The following AKT3 variants were observed in gnomAD, a reference collection of about 807,000 sequenced individuals.
AKT3 encodes the protein RAC-gamma serine/threonine-protein kinase.
In AKT3, 15 loss-of-function variants were observed where a neutral mutation model predicts 65.3. That is an observed-to-expected ratio of 0.23 (90% CI 0.15 to 0.35). The LOEUF (loss-of-function observed/expected upper bound fraction) is 0.35, where lower values mean the gene tolerates loss of function less well. Among genes scored for constraint, AKT3 ranks in the 10% least tolerant of loss-of-function variants. The pLI is 1.00. For synonymous variants in AKT3, 206 were observed against 183.8 expected (o/e 1.12, Z -0.98); for missense variants, 243 against 576.5 (o/e 0.42, Z 5.92).
At chr1:243,753,550 A>C (rs1301133126) in intron 2 of AKT3, among the ~76,000 whole-genome samples, 1 of 152,222 alleles carries the variant, frequency 6.6e-6, no homozygotes, top group East Asian at 1.9e-4. Flanking sequence ...AAACTTCTAG[A>C]ATTTGGTTTA....
chr1:243,546,335 AG>A (rs1672676840), intron 11 of AKT3, among the ~76,000 whole-genome samples: 1 of 152,210 alleles, frequency 6.6e-6, no homozygotes, highest in Non-Finnish European at 1.5e-5. Context: ...TAATAGGTAA[AG>A]AAATTTCAGT....
chr1:243,713,302 T>C (rs1177910942), intron 2 of AKT3, among the ~76,000 whole-genome samples: 3 of 152,094 alleles, frequency 2.0e-5, no homozygotes, highest in African/African-American at 4.8e-5. Flanking sequence ...TTTAAAGAAG[T>C]TGCTTTCTAA....
At chr1:243,753,975 G>A (rs1688969369) in intron 2 of AKT3, among the ~76,000 whole-genome samples, 1 of 152,110 alleles carries the variant, frequency 6.6e-6, no homozygotes, top group African/African-American at 2.4e-5. Context: ...TTCTCTGTGT[G>A]TTTCATATAC....
At chr1:243,633,961 G>A (rs1482385288) in intron 6 of AKT3, among the ~76,000 whole-genome samples, 1 of 152,062 alleles carries the variant, frequency 6.6e-6, no homozygotes, top group African/African-American at 2.4e-5. Context: ...CCCCTTATTA[G>A]TGGAGGATAT....
intron 13 of AKT3, among the ~76,000 whole-genome samples, chr1:243,508,842 T>C (rs1363986712): frequency 6.6e-6 from 1 of 151,234 alleles, no homozygotes; most frequent in Non-Finnish European, 1.5e-5. Flanking sequence ...ATTTTTGTAT[T>C]TTTTTTTGTA....
chr1:243,848,644 T>C (rs1207961175), intron 1 of AKT3, among the ~76,000 whole-genome samples: 2 of 152,220 alleles, frequency 1.3e-5, no homozygotes, highest in Non-Finnish European at 2.9e-5. Flanking sequence ...AAAAGACATA[T>C]ATGACCATGC....
chr1:243,850,905 G>A (rs1695757846), upstream of AKT3: 1 of 152,096 alleles, frequency 6.6e-6, no homozygotes, highest in Non-Finnish European at 1.5e-5. Flanking sequence ...CGAGGCCCGG[G>A]AGCGGAGGCT....
chr1:243,640,099 CAAT>C (rs1680260694), intron 5 of AKT3, among the ~76,000 whole-genome samples: 1 of 152,016 alleles, frequency 6.6e-6, no homozygotes, highest in Non-Finnish European at 1.5e-5. Flanking sequence ...GTCTTACATT[CAAT>C]AATATCTCTA....
At chr1:243,757,658 ACTTTT>A (rs990790209) in intron 2 of AKT3, among the ~76,000 whole-genome samples, 3 of 152,192 alleles carry the variant, frequency 2.0e-5, no homozygotes, top group African/African-American at 4.8e-5. Flanking sequence ...TATTCTTACA[ACTTTT>A]CTTTAAGTTT....
chr1:243,803,164 A>G (rs140167627), intron 2 of AKT3, among the ~76,000 whole-genome samples: 88 of 152,244 alleles, frequency 5.8e-4, no homozygotes, highest in African/African-American at 2.0e-3. Flanking sequence ...AAAAATTATA[A>G]TAACAGTTAT....
At chr1:243,652,350 A>T (rs1681415587) in intron 4 of AKT3, among the ~76,000 whole-genome samples, 1 of 152,160 alleles carries the variant, frequency 6.6e-6, no homozygotes, top group South Asian at 2.1e-4. Flanking sequence ...TTTTCAACCC[A>T]GAATTTCATA....
rs1678632253 is a variant in AKT3 at position 243,620,235 on chromosome 1, G to C, written c.562-5074C>G. Among the ~76,000 whole-genome samples the C allele has an allele frequency of 2.0e-5, 2 of 98,200 alleles. 1 individual carries two copies. The highest frequency in any genetic ancestry group is 2.3e-4 in the Admixed American group (2 of 8,692). 64.4% of individuals were successfully genotyped at this position (98,200 alleles called of 152,430 possible). On this transcript the variant is annotated intron_variant, in intron 6 of 13. Transcript: ENST00000673466. ...CCTTTCTTCGCCTGATACCACACAA[G>C]ACATGCCTCTTCCCCCTTCCATCAT... is the stretch of plus-strand genomic sequence containing the variant.
intron 5 of AKT3, among the ~76,000 whole-genome samples, chr1:243,639,915 C>G (rs536161890): frequency 1.3e-5 from 2 of 152,068 alleles, no homozygotes; most frequent in African/African-American, 4.8e-5. Context: ...AGGCTGAACC[C>G]CAATTTTTTG....
chr1:243,808,637 CCAGCAAGG>C (rs1188542404), intron 2 of AKT3, among the ~76,000 whole-genome samples: 1 of 152,170 alleles, frequency 6.6e-6, no homozygotes, highest in Non-Finnish European at 1.5e-5. Flanking sequence ...CTTCCCCAAT[CCAGCAAGG>C]CAGGCCAACA....
intron 8 of AKT3, among the ~76,000 whole-genome samples, chr1:243,605,197 CTTT>C (rs540680901): frequency 6.9e-6 from 1 of 144,458 alleles, no homozygotes. Flanking sequence ...ACATGGCTAA[CTTT>C]TTTTTTTTTT....
chr1:243,616,019 G>A (rs927021736), intron 6 of AKT3, among the ~76,000 whole-genome samples: 1 of 151,886 alleles, frequency 6.6e-6, no homozygotes, highest in Non-Finnish European at 1.5e-5. Context: ...GAGACTACAG[G>A]TTGTTTTTTT....
intron 6 of AKT3, among the ~76,000 whole-genome samples, chr1:243,631,225 C>A (rs1679583610): frequency 6.6e-6 from 1 of 152,206 alleles, no homozygotes; most frequent in Non-Finnish European, 1.5e-5. Context: ...AAGTTGTTAT[C>A]TTTTTGCTGG....
chr1:243,842,350 G>A (rs1450300064), intron 2 of AKT3, among the ~76,000 whole-genome samples: 1 of 152,078 alleles, frequency 6.6e-6, no homozygotes, highest in African/African-American at 2.4e-5. Flanking sequence ...CATCCTACTC[G>A]ACGTGGCCAT....
chr1:243,834,618 T>C (rs1694771514), intron 2 of AKT3, among the ~76,000 whole-genome samples: 1 of 152,036 alleles, frequency 6.6e-6, no homozygotes, highest in South Asian at 2.1e-4. Flanking sequence ...ATCTTAAAAC[T>C]ACCTATAGGG....
Sources: gnomAD v4.1 joint callset for allele counts (sites outside exome capture counted in the v4.1 genomes callset) on GRCh38, gnomAD v4.1.1 for gene constraint, MANE v1.5 for transcripts, NCBI Gene and HGNC (gene_info 2026-07-23, HGNC 2026-07-21) for gene names.